The following HDAC5 variants were observed in gnomAD, a reference collection of about 807,000 sequenced individuals.
HDAC5 encodes antigen NY-CO-9.
Under a neutral mutation model 133.3 loss-of-function variants are expected in HDAC5, and 25 were observed. The observed-to-expected ratio is 0.19, with a 90% CI of 0.14 to 0.26. The LOEUF is 0.26. Among genes scored for constraint, HDAC5 ranks in the 10% least tolerant of loss-of-function variants. The pLI, the probability that HDAC5 is intolerant of heterozygous loss-of-function variation, is 1.00. For missense variants in HDAC5, 1,041 were observed against 1,460.5 expected, an observed-to-expected ratio of 0.71 and a Z score of 4.68; for synonymous variants, 589 against 610.8, an observed-to-expected ratio of 0.96 and a Z score of 0.53.
intron 3 of HDAC5, among the ~76,000 whole-genome samples, chr17:44,095,036 C>T (rs1326399445): frequency 6.6e-6 from 1 of 152,128 alleles, no homozygotes; most frequent in East Asian, 1.9e-4. Flanking sequence ...CTCAAGCGAT[C>T]CTCCCACCTC....
At position 44,078,453 on chromosome 17, in the gene HDAC5, G is replaced by A. The variant is rs545965258; in HGVS notation, c.3330-38C>T. On this transcript the variant is annotated intron_variant, in intron 26 of 26. Transcript: ENST00000682912. ...CACAGGGGAGGGTATTGAGTGGGGC[G>A]CACCAGCAGGGGTGAGGGCAGAGAG... 4.2e-5 allele frequency: 66 copies of A among 1,569,632 alleles called. No homozygotes were observed. The East Asian group carries it at 8.1e-4, about 19-fold the overall frequency.
Position 44,078,516 on chromosome 17 carries a change from G to A in HDAC5, c.3313C>T (p.Arg1105Trp), listed in dbSNP as rs561683404. Residue 1105 changes from arginine (R) to tryptophan (W), a missense_variant, in exon 26 of 27, where the codon CGG becomes TGG. Physicochemically the swap from Arg to Trp is moderately radical, Grantham distance 101 (BLOSUM62 -3). This residue lies in a region of HDAC5 where 95 missense variants were observed against 107.3 expected (regional missense o/e 0.88). Transcript: ENST00000682912. ...GCTGCTTACCTGGGGCTGTGTTCCC[G>A]GGCTGCCGCAGCCTGGGCCTGCTCG... ...GAEQAQAAAA[R>W]EHSPRPAEEP... 25 of 1,609,916 alleles carry A rather than the reference G, an allele frequency of 1.6e-5. No individual in the cohort carries two copies. The highest frequency in any genetic ancestry group is 3.3e-5 in the South Asian group (3 of 90,660).
In HDAC5 at chr17:44,111,799, T is replaced by G. The variant is rs2052364010; in HGVS notation, c.23-999A>C. On this transcript the variant is annotated intron_variant, in intron 2 of 26. Coordinates refer to ENST00000682912, the MANE Select transcript of HDAC5 (RefSeq NM_005474.5). ...CTGGAGTGTCGCCTCCAGAGGCTGC[T>G]CAGCCTCAGCTTCTTTCTAGGGTGT... 1.3e-5 allele frequency among the ~76,000 whole-genome samples: 2 copies of G among 152,146 alleles called. 1 individual carries two copies. The highest frequency in any genetic ancestry group is 3.9e-4 in the East Asian group (2 of 5,184).
At chr17:44,078,462 G>A (rs964099632) in intron 26 of HDAC5, 38 bp downstream of exon 26, 20 of 1,578,458 alleles carry the variant, frequency 1.3e-5, no homozygotes, top group Non-Finnish European at 1.7e-5. Context: ...CGCACCAGCA[G>A]GGGTGAGGGC....
In HDAC5 at chr17:44,117,011, A is replaced by C. The variant is rs1209342827; in HGVS notation, c.22+483T>G. ...CCCAATGCCACGCACCTGCACACGG[A>C]GGTTAAGGCCCAGTGCCCTTGTAAA... is the stretch of plus-strand genomic sequence containing the variant. On this transcript the variant is annotated intron_variant, in intron 2 of 26. Coordinates refer to ENST00000682912, the MANE Select transcript of HDAC5 (RefSeq NM_005474.5). The surrounding 1 kb of genome is among the most constrained non-coding windows in gnomAD (Gnocchi z 4.2). Among the ~76,000 whole-genome samples the C allele has an allele frequency of 6.6e-6, 1 of 152,218 alleles. No individual in the cohort carries two copies. Among genetic ancestry groups the C allele is most frequent in the Non-Finnish European group, 1.5e-5 (1 of 68,032 alleles).
At chr17:44,087,871 T>C (rs191948786) in intron 12 of HDAC5, among the ~76,000 whole-genome samples, 175 bp from the exon 13 acceptor site, 3 of 149,286 alleles carry the variant, frequency 2.0e-5, no homozygotes, top group Non-Finnish European at 4.5e-5. Context: ...TGAGACAGAG[T>C]CTCCCTCTGT....
At chr17:44,081,231 A>G (rs2050373113) in intron 20 of HDAC5, among the ~76,000 whole-genome samples, 1 of 152,098 alleles carries the variant, frequency 6.6e-6, no homozygotes. Context: ...TAGGGAATTT[A>G]AAACAGGCAG....
intron 1 of HDAC5, among the ~76,000 whole-genome samples, chr17:44,122,999 G>A (rs1372173839): frequency 3.3e-5 from 5 of 152,280 alleles, no homozygotes; most frequent in Non-Finnish European, 5.9e-5. Flanking sequence ...CCTCATGCAC[G>A]GAAGTCAAGG....
chr17:44,084,487 C>A, intron 16 of HDAC5, 68 bp downstream of exon 16: 1 of 1,594,612 alleles, frequency 6.3e-7, no homozygotes. Flanking sequence ...GTCAGGCAGT[C>A]TTCCTGAGAG....
intron 1 of HDAC5, chr17:44,120,442 A>C (rs2052914471): frequency 6.6e-6 from 1 of 152,246 alleles, no homozygotes; most frequent in Non-Finnish European, 1.5e-5. Flanking sequence ...CGACAGTTTC[A>C]TCAAAAATTA....
At chr17:44,116,228 G>A (rs528087020) in intron 2 of HDAC5, among the ~76,000 whole-genome samples, 2 of 152,332 alleles carry the variant, frequency 1.3e-5, no homozygotes, top group East Asian at 1.9e-4. Context: ...ACTACTGCCC[G>A]ACATGGCTGA....
intron 1 of HDAC5, among the ~76,000 whole-genome samples, chr17:44,121,913 G>A (rs1598055861): frequency 1.3e-5 from 2 of 152,082 alleles, no homozygotes; most frequent in Non-Finnish European, 2.9e-5. Flanking sequence ...CACATTCCCA[G>A]GACAGAGTGG....
chr17:44,098,576 TA>T (rs1446620845), intron 3 of HDAC5, among the ~76,000 whole-genome samples: 1 of 150,424 alleles, frequency 6.6e-6, no homozygotes, highest in Non-Finnish European at 1.5e-5. Flanking sequence ...CCATCTCTAC[TA>T]AAAAATACAA....
chr17:44,087,779 C>T (rs1485109735), intron 12 of HDAC5, 83 bp from the exon 13 acceptor site: 12 of 1,422,898 alleles, frequency 8.4e-6, no homozygotes, highest in Non-Finnish European at 1.1e-5. Context: ...CTATCCTTCC[C>T]TCCCTCCCTT....
Position 44,085,044 on chromosome 17 carries a change from G to C in HDAC5, c.2162C>G (p.Thr721Arg). The change falls in exon 15 of 27, where the codon ACA (threonine) becomes AGA (arginine). Residue 721 changes from threonine (T) to arginine (R), a missense_variant. Thr to Arg is a moderately conservative substitution (Grantham distance 71). This residue lies in a region of HDAC5 where 42 missense variants were observed against 101.7 expected (regional missense o/e 0.41). Transcript: ENST00000682912. ...TACCTCGCACTTGCTAAGCAGGCCT[G>C]TCTCCTGCAGCCGGGACCAGATGCT... Reference protein sequence around the residue: ...IQSIWSRLQETGLLSKCERIR... With the variant: ...IQSIWSRLQERGLLSKCERIR... The C allele has an allele frequency of 6.3e-7, 1 of 1,592,450 alleles. No homozygotes were observed. Among genetic ancestry groups the C allele is most frequent in the Non-Finnish European group, 8.6e-7 (1 of 1,161,958 alleles).
In HDAC5 at chr17:44,093,476, C is replaced by CCTG; in HGVS notation, c.361_363dup (p.Gln121dup). Reference sequence around the variant, plus strand: ...TGCTGCTGCTTGGCTGCCAGCATCTCCTGCTGCTGCTGCAGGGGCATGGGA... The same window carrying CCTG: ...TGCTGCTGCTTGGCTGCCAGCATCTCCTGCTGCTGCTGCTGCAGGGGCATGGGA... On this transcript the variant is annotated inframe_insertion, in exon 5 of 27. Coordinates refer to ENST00000682912, the MANE Select transcript of HDAC5 (RefSeq NM_005474.5). The CCTG allele has an allele frequency of 1.2e-6, 2 of 1,606,640 alleles. No individual in the cohort carries two copies. Among genetic ancestry groups the CCTG allele is most frequent in the African/African-American group, 1.3e-5 (1 of 74,850 alleles).
intron 11 of HDAC5, among the ~76,000 whole-genome samples, chr17:44,090,856 AT>A (rs1234350785): frequency 1.3e-5 from 2 of 151,096 alleles, no homozygotes; most frequent in South Asian, 2.1e-4. Context: ...CGCCCGGCTA[AT>A]TTTTTGTATT....
rs1413073608 is a variant in HDAC5 at position 44,078,359 on chromosome 17, G to A, written c.*17C>T. On this transcript the variant is annotated 3_prime_UTR_variant, in exon 27 of 27. Transcript: ENST00000682912. ...AAAATCACAATGGTGAAGCCCAGAG[G>A]GATGGGGGCCGGGGCGTCACAGGGC... is the stretch of plus-strand genomic sequence containing the variant. 4 of 1,526,850 alleles carry A rather than the reference G, an allele frequency of 2.6e-6. No individual in the cohort carries two copies. The highest frequency in any genetic ancestry group is 2.3e-5 in the Admixed American group (1 of 43,864). 94.6% of individuals were successfully genotyped at this position (1,526,850 alleles called of 1,614,324 possible). A position where few individuals can be genotyped will look rare whatever the true frequency, so the allele number is the denominator to read the frequency against.
At chr17:44,103,455 C>T (rs1482078319) in intron 3 of HDAC5, among the ~76,000 whole-genome samples, 1 of 152,162 alleles carries the variant, frequency 6.6e-6, no homozygotes, top group African/African-American at 2.4e-5. Flanking sequence ...AATTCAGGCT[C>T]TCCCCTTCCT....
Sources: allele counts gnomAD v4.1 joint callset (sites outside exome capture counted in the v4.1 genomes callset), GRCh38; gene constraint gnomAD v4.1.1; regional missense constraint gnomAD v4.1.1; non-coding constraint Gnocchi (gnomAD v3.1); transcripts MANE v1.5; gene names NCBI Gene and HGNC (gene_info 2026-07-23, HGNC 2026-07-21).